The following FARP1 variants were observed in gnomAD, a reference collection of about 807,000 sequenced individuals.
The protein encoded by FARP1 is FERM, ARH/RhoGEF and pleckstrin domain protein 1.
In FARP1, 52 loss-of-function variants were observed where a neutral mutation model predicts 128.8. The ratio of observed to expected loss-of-function variants is 0.40; its 90% CI spans 0.32 to 0.51. FARP1 has a LOEUF of 0.51. FARP1 is among the 20% of genes least tolerant of loss of function. FARP1 has a pLI of 0.45. For synonymous variants in FARP1, 580 were observed against 551.8 expected, an observed-to-expected ratio of 1.05 and a Z score of -0.72; for missense variants, 1,333 against 1,367.9, an observed-to-expected ratio of 0.97 and a Z score of 0.40.
At chr13:98,375,044 A>T (rs568572681) in intron 5 of FARP1, among the ~76,000 whole-genome samples, 1 of 152,370 alleles carries the variant, frequency 6.6e-6, no homozygotes, top group South Asian at 2.1e-4. Flanking sequence ...AGCACTCAGG[A>T]TGAAATCTCA....
At chr13:98,179,483 G>A (rs1038419163) in intron 1 of FARP1, among the ~76,000 whole-genome samples, 15 of 152,098 alleles carry the variant, frequency 9.9e-5, no homozygotes, top group African/African-American at 3.1e-4. Context: ...CTCACATTCC[G>A]CTGTGGGGTG....
At chr13:98,397,977 G>A (rs1187161428) in intron 13 of FARP1, 5 of 147,968 alleles carry the variant, frequency 3.4e-5, no homozygotes, top group African/African-American at 1.3e-4. Context: ...ATTGAAAAGA[G>A]TCCTAACAAG....
intron 1 of FARP1, among the ~76,000 whole-genome samples, chr13:98,181,219 G>A (rs764758083): frequency 7.9e-5 from 12 of 152,258 alleles, no homozygotes; most frequent in Admixed American, 3.3e-4. Flanking sequence ...AAATTGGGAT[G>A]AACCAAATGA....
At chr13:98,445,996 G>A (rs892677638) in intron 24 of FARP1, 102 bp from the exon 25 acceptor site, 36 of 758,976 alleles carry the variant, frequency 4.7e-5, no homozygotes, top group Non-Finnish European at 6.9e-5. Flanking sequence ...CTTCAGTCAC[G>A]GACATGCCCC....
Position 98,246,169 on chromosome 13 carries a change from A to G in FARP1, c.171+32756A>G, listed in dbSNP as rs368979740. Among the ~76,000 whole-genome samples, 645 of 120,940 alleles carry G rather than the reference A, an allele frequency of 5.3e-3. 4 individuals are homozygous for G. The highest frequency in any genetic ancestry group is 0.02 in the African/African-American group (618 of 30,910). 79.3% of individuals were successfully genotyped at this position (120,940 alleles called of 152,430 possible). ...GAGTGCAGTGGCGCAATCTCGGCTC[A>G]CTGCAGGCTCCGCCCCCTGGGGTTC... is the stretch of plus-strand genomic sequence containing the variant. On this transcript the variant is annotated intron_variant, in intron 2 of 26. Coordinates refer to ENST00000319562, the MANE Select transcript of FARP1 (RefSeq NM_005766.4).
chr13:98,373,553 C>G (rs1210972738), intron 5 of FARP1, among the ~76,000 whole-genome samples: 55 of 151,270 alleles, frequency 3.6e-4, no homozygotes, highest in African/African-American at 1.2e-3. Context: ...CACACACACA[C>G]ACACACACAC....
chr13:98,174,894 T>C (rs565873638), intron 1 of FARP1, among the ~76,000 whole-genome samples: 3 of 152,292 alleles, frequency 2.0e-5, no homozygotes, highest in South Asian at 2.1e-4. Context: ...GGTAGAACCA[T>C]GACTTGAATC....
chr13:98,373,533 GACAC>G (rs58658962), intron 5 of FARP1, among the ~76,000 whole-genome samples: 16,054 of 130,856 alleles, frequency 0.12, 1,017 homozygotes, highest in Admixed American at 0.16. Context: ...CAGACAGACA[GACAC>G]ACACACACAC....
chr13:98,199,429 G>T (rs1482554132), intron 1 of FARP1, among the ~76,000 whole-genome samples: 1 of 152,190 alleles, frequency 6.6e-6, no homozygotes, highest in Non-Finnish European at 1.5e-5. Context: ...GTGTCCTATA[G>T]GGTGTGAAAT....
intron 3 of FARP1, chr13:98,345,418 C>T (rs534021760): frequency 2.6e-5 from 4 of 152,214 alleles, no homozygotes; most frequent in Non-Finnish European, 5.9e-5. Flanking sequence ...CCAAGTTCAG[C>T]GTCTCTTCTG....
intron 1 of FARP1, among the ~76,000 whole-genome samples, chr13:98,170,103 T>C (rs1877549158): frequency 1.3e-5 from 2 of 152,164 alleles, no homozygotes; most frequent in Admixed American, 6.5e-5. Context: ...TAGCAACTCT[T>C]CTTGTATTTT....
intron 1 of FARP1, among the ~76,000 whole-genome samples, chr13:98,165,935 G>C (rs901380693): frequency 6.6e-6 from 1 of 151,788 alleles, no homozygotes; most frequent in Non-Finnish European, 1.5e-5. Context: ...GGCCAGGCTC[G>C]TCTCGACCTC....
At chr13:98,237,974 A>G (rs1470474834) in intron 2 of FARP1, among the ~76,000 whole-genome samples, 1 of 150,684 alleles carries the variant, frequency 6.6e-6, no homozygotes, top group Non-Finnish European at 1.5e-5. Context: ...GCTCTAAGAA[A>G]GTCATACCTA....
intron 16 of FARP1, among the ~76,000 whole-genome samples, chr13:98,414,623 G>A (rs1270835367): frequency 1.3e-5 from 2 of 152,196 alleles, no homozygotes; most frequent in Non-Finnish European, 2.9e-5. Context: ...TCTCTGAGGG[G>A]TAGAACCAAT....
intron 4 of FARP1, among the ~76,000 whole-genome samples, chr13:98,367,220 G>A (rs576006416): frequency 9.9e-5 from 15 of 152,200 alleles, no homozygotes; most frequent in Non-Finnish European, 1.5e-4. Flanking sequence ...GCAGTGGCAC[G>A]ATCTCTGCTC....
intron 2 of FARP1, among the ~76,000 whole-genome samples, chr13:98,300,420 T>A (rs1885875173): frequency 6.6e-6 from 1 of 152,238 alleles, no homozygotes; most frequent in South Asian, 2.1e-4. Context: ...TGAAGAGAGC[T>A]GGGCAGATGC....
At chr13:98,238,602 A>T (rs1450894320) in intron 2 of FARP1, among the ~76,000 whole-genome samples, 2 of 152,086 alleles carry the variant, frequency 1.3e-5, no homozygotes, top group Non-Finnish European at 2.9e-5. Context: ...GCAAAGAGAG[A>T]GTGTGCAGGG....
At chr13:98,155,686 T>C (rs1221794794) in intron 1 of FARP1, among the ~76,000 whole-genome samples, 1 of 152,010 alleles carries the variant, frequency 6.6e-6, no homozygotes, top group Non-Finnish European at 1.5e-5. Context: ...ACCTCACTAA[T>C]TTTTGTATTT....
rs913050457 is a variant in FARP1, at chr13:98,448,867, T to C, written c.*550T>C. 6.6e-6 allele frequency: 1 copy of C among 152,382 alleles called. No homozygotes were observed. Among genetic ancestry groups the C allele is most frequent in the African/African-American group, 2.4e-5 (1 of 41,446 alleles). The allele number at this position is 152,382 out of a possible 1,614,324, so 9.4% of individuals were successfully genotyped here. ...AAGTTAGTAGGACTCACTTCTCTGA[T>C]TAATAAGCAATTTGCAGCACACAGC... On this transcript the variant is annotated 3_prime_UTR_variant, in exon 27 of 27. Coordinates refer to ENST00000319562, the MANE Select transcript of FARP1 (RefSeq NM_005766.4).
Sources: allele counts gnomAD v4.1 joint callset (sites outside exome capture counted in the v4.1 genomes callset), GRCh38; gene constraint gnomAD v4.1.1; transcripts MANE v1.5; gene names NCBI Gene and HGNC (gene_info 2026-07-23, HGNC 2026-07-21).